JARID2: variants seen among roughly 807,000 people sequenced by gnomAD.
JARID2 encodes protein Jumonji.
JARID2 carries 21 observed loss-of-function variants against 125.6 expected under a neutral mutation model. That is an observed-to-expected ratio of 0.17 (90% CI 0.12 to 0.24). The LOEUF is 0.24. Among genes scored for constraint, JARID2 ranks in the 10% least tolerant of loss-of-function variants. The probability of loss-of-function intolerance (pLI) is 1.00; values close to 1 mark genes in which losing one functional copy is unlikely to be tolerated. For missense variants in JARID2, 1,303 were observed against 1,639.6 expected, an observed-to-expected ratio of 0.79 and a Z score of 3.55; for synonymous variants, 736 against 661.6, an observed-to-expected ratio of 1.11 and a Z score of -1.73.
intron 2 of JARID2, among the ~76,000 whole-genome samples, chr6:15,403,260 A>G (rs1437087638): frequency 6.6e-6 from 1 of 152,196 alleles, no homozygotes; most frequent in Non-Finnish European, 1.5e-5. Context: ...TGTGTTGAAT[A>G]AAGTTAAACT....
At position 15,512,628 on chromosome 6, in the gene JARID2, A is replaced by G. The variant is rs148777855; in HGVS notation, c.3135+238A>G. The stretch of plus-strand genomic sequence containing the variant: ...ACCGTTACTGACAGACCCCTCCAGT[A>G]TTGGAAAACTGTTGAAGATGCTCAA... On this transcript the variant is annotated intron_variant, in intron 14 of 17. Transcript: ENST00000341776. Among the ~76,000 whole-genome samples, 602 of 152,280 alleles carry G rather than the reference A, an allele frequency of 4.0e-3. 3 individuals are homozygous for G. The highest frequency in any genetic ancestry group is 6.5e-3 in the Admixed American group (99 of 15,296).
At chr6:15,254,776 A>G (rs754277830) in intron 1 of JARID2, among the ~76,000 whole-genome samples, 18 of 152,182 alleles carry the variant, frequency 1.2e-4, no homozygotes, top group Admixed American at 1.1e-3. Context: ...GCGGTGGCTC[A>G]TGCCCGTAAT....
intron 2 of JARID2, among the ~76,000 whole-genome samples, chr6:15,403,113 A>G (rs17619987): frequency 0.026 from 3,909 of 152,254 alleles, 65 homozygotes; most frequent in Non-Finnish European, 0.042. Flanking sequence ...CCTTGCCCCA[A>G]AGAAGTAACA....
chr6:15,465,843 G>T (rs1027823841), intron 4 of JARID2, among the ~76,000 whole-genome samples: 3 of 151,172 alleles, frequency 2.0e-5, no homozygotes, highest in Non-Finnish European at 4.4e-5. Flanking sequence ...TTGTTCTGTC[G>T]CCCAGCCTGG....
intron 3 of JARID2, among the ~76,000 whole-genome samples, chr6:15,436,394 A>G (rs937525703): frequency 2.0e-5 from 3 of 152,218 alleles, no homozygotes; most frequent in African/African-American, 7.2e-5. Flanking sequence ...CGTGCTCTCC[A>G]CAACCAGCCG....
At chr6:15,424,293 CCTT>C (rs112134024) in intron 3 of JARID2, among the ~76,000 whole-genome samples, 11,177 of 152,086 alleles carry the variant, frequency 0.073, 393 homozygotes, top group East Asian at 0.094. Context: ...ATCTTCAAGC[CCTT>C]CTTGGCTTAT....
intron 5 of JARID2, among the ~76,000 whole-genome samples, chr6:15,469,490 TGGCGCGATCTC>T (rs1406593239): frequency 3.4e-5 from 5 of 147,956 alleles, no homozygotes; most frequent in Admixed American, 6.8e-5. Context: ...TGGAGTGCAG[TGGCGCGATCTC>T]GGCTCACTGC....
chr6:15,439,655 G>A (rs1257941233), intron 3 of JARID2, among the ~76,000 whole-genome samples: 1 of 152,184 alleles, frequency 6.6e-6, no homozygotes, highest in African/African-American at 2.4e-5. Context: ...CACAGCTTGG[G>A]TGTTTTTATC....
At chr6:15,431,991 T>A (rs1159561653) in intron 3 of JARID2, among the ~76,000 whole-genome samples, 1 of 152,190 alleles carries the variant, frequency 6.6e-6, no homozygotes, top group Admixed American at 6.5e-5. Context: ...CCTGCACTTT[T>A]GCTAAGCCAC....
At chr6:15,431,148 TATC>T (rs2127599955) in intron 3 of JARID2, among the ~76,000 whole-genome samples, 2 of 152,300 alleles carry the variant, frequency 1.3e-5, no homozygotes, top group African/African-American at 4.8e-5. Flanking sequence ...CTCTCCTGAT[TATC>T]ATTTCTTATG....
chr6:15,497,263 C>T (rs545106109), intron 7 of JARID2, 93 bp downstream of exon 7: 63 of 989,976 alleles, frequency 6.4e-5, no homozygotes, highest in East Asian at 3.7e-4. Context: ...TCTTCCCTTG[C>T]GAAAGCTCCA....
In JARID2 at chr6:15,509,316, A is replaced by G. The variant is rs1771162416; in HGVS notation, c.2846+862A>G. 4 of 985,232 alleles carry G rather than the reference A, an allele frequency of 4.1e-6. No individual in the cohort carries two copies. In the South Asian group the frequency reaches 1.9e-4, roughly 46 times the overall value. 61.0% of individuals were successfully genotyped at this position (985,232 alleles called of 1,614,324 possible). A position where few individuals can be genotyped will look rare whatever the true frequency, so the allele number is the denominator to read the frequency against. On this transcript the variant is annotated intron_variant, in intron 12 of 17. Transcript: ENST00000341776. The stretch of plus-strand genomic sequence containing the variant: ...TGTTCATGCCATGCTGACTGTGTTT[A>G]TTGCCCTAATGGGGTGATTAAACAT...
chr6:15,314,791 T>C (rs1001153060), intron 1 of JARID2: 3 of 152,214 alleles, frequency 2.0e-5, no homozygotes, highest in South Asian at 2.1e-4. Flanking sequence ...TAGTGAAATA[T>C]TATAAATTGC....
In JARID2 at chr6:15,517,175, C is replaced by T. The variant is rs147238761; in HGVS notation, c.3465C>T (p.Asn1155=). Reference sequence around the variant, plus strand: ...CTTGCTTGCAGGTGGTACAAGAGAACGAAAACGTCGTGTTCTGTCTGGAGT... The same window carrying T: ...CTTGCTTGCAGGTGGTACAAGAGAATGAAAACGTCGTGTTCTGTCTGGAGT... ...LCYLSMVVQE[N]ENVVFCLECA... is the part of the protein sequence containing the mutation. Residue 1155 remains asparagine, a synonymous_variant, in exon 17 of 18, where the codon AAC becomes AAT. Transcript: ENST00000341776. 50 of 1,613,630 alleles carry T rather than the reference C, an allele frequency of 3.1e-5. No homozygotes were observed. Among genetic ancestry groups the T allele is most frequent in the African/African-American group, 6.7e-5 (5 of 74,914 alleles).
intron 1 of JARID2, among the ~76,000 whole-genome samples, chr6:15,334,313 T>C (rs965142107): frequency 3.9e-5 from 5 of 128,986 alleles, no homozygotes; most frequent in African/African-American, 1.4e-4. Flanking sequence ...GTGGCTTATG[T>C]CACCAATAGG....
intron 4 of JARID2, among the ~76,000 whole-genome samples, chr6:15,462,452 GATAC>G (rs1311412433): frequency 6.6e-6 from 1 of 152,200 alleles, no homozygotes; most frequent in East Asian, 1.9e-4. Context: ...GAACAGTGCT[GATAC>G]ATACATACGT....
intron 4 of JARID2, among the ~76,000 whole-genome samples, chr6:15,458,997 C>G (rs1768323403): frequency 6.6e-6 from 1 of 152,208 alleles, no homozygotes; most frequent in Admixed American, 6.5e-5. Context: ...ACTGGCAGCT[C>G]TGCAGAAAAT....
chr6:15,385,077 C>G (rs1402080111), intron 2 of JARID2, among the ~76,000 whole-genome samples: 1 of 152,250 alleles, frequency 6.6e-6, no homozygotes, highest in Non-Finnish European at 1.5e-5. Flanking sequence ...TGTTCTGATT[C>G]TGGCATATCT....
chr6:15,387,025 CTG>C (rs1291977886), intron 2 of JARID2, among the ~76,000 whole-genome samples: 1 of 152,160 alleles, frequency 6.6e-6, no homozygotes, highest in Admixed American at 6.5e-5. Flanking sequence ...TGTTTTTAAT[CTG>C]TGAGTATTCG....
Sources: allele counts gnomAD v4.1 joint callset (sites outside exome capture counted in the v4.1 genomes callset), GRCh38; gene constraint gnomAD v4.1.1; transcripts MANE v1.5; gene names NCBI Gene and HGNC (gene_info 2026-07-23, HGNC 2026-07-21).